RTN4RL1: variants seen among roughly 807,000 people sequenced by gnomAD.
RTN4RL1 encodes the protein reticulon 4 receptor like 1, also known as reticulon-4 receptor-like 1.
Under a neutral mutation model 25.6 loss-of-function variants are expected in RTN4RL1, and 7 were observed. The observed-to-expected ratio is 0.27, with a 90% CI of 0.16 to 0.51. RTN4RL1 has a LOEUF of 0.51. Ranked by LOEUF, RTN4RL1 falls within the 20% of genes least tolerant of loss-of-function variation. The pLI is 0.97. For synonymous variants in RTN4RL1, 297 were observed against 288.2 expected (o/e 1.03, Z -0.31); for missense variants, 500 against 615.6 (o/e 0.81, Z 1.99).
At chr17:1,948,232 C>T (rs536358505) in intron 1 of RTN4RL1, among the ~76,000 whole-genome samples, 12 of 152,362 alleles carry the variant, frequency 7.9e-5, no homozygotes, top group African/African-American at 2.9e-4. Flanking sequence ...GAGCCAGCCC[C>T]ACCTGGTCCT....
intron 1 of RTN4RL1, among the ~76,000 whole-genome samples, chr17:1,974,737 T>A (rs979480610): frequency 1.3e-5 from 2 of 148,178 alleles, no homozygotes; most frequent in African/African-American, 4.9e-5. Flanking sequence ...GGGGAGGGAA[T>A]AAATACCCAG....
In RTN4RL1 at chr17:1,953,261, C is replaced by T. The variant is rs564915419; in HGVS notation, c.14-15453G>A. 1.3e-3 allele frequency among the ~76,000 whole-genome samples: 199 copies of T among 151,248 alleles called. 2 individuals carry two copies. The highest frequency in any genetic ancestry group is 4.7e-3 in the African/African-American group (193 of 41,192). ...ATCTCTACAAAAAATACAAAATCAG[C>T]TGGGCACAGTGGCATGCACCTGTAG... On this transcript the variant is annotated intron_variant, in intron 1 of 1. Coordinates refer to ENST00000331238, the MANE Select transcript of RTN4RL1 (RefSeq NM_178568.4).
Position 1,935,557 on chromosome 17 carries a change from A to G in RTN4RL1, c.*939T>C. On this transcript the variant is annotated 3_prime_UTR_variant, in exon 2 of 2. Transcript: ENST00000331238. ...AGGTCCCTTGGAGACTATCGTTGCC[A>G]GTTTGGGATTCTAGACAAAAATTCT... The G allele has an allele frequency of 1.0e-6, 1 of 985,534 alleles. No individual in the cohort carries two copies. Among genetic ancestry groups the G allele is most frequent in the South Asian group, 4.7e-5 (1 of 21,276 alleles). The allele number at this position is 985,534 out of a possible 1,614,324, so 61.0% of individuals were successfully genotyped here. A position where few individuals can be genotyped will look rare whatever the true frequency, so the allele number is the denominator to read the frequency against.
chr17:2,002,462 T>C (rs2066965617), intron 1 of RTN4RL1, among the ~76,000 whole-genome samples: 1 of 149,302 alleles, frequency 6.7e-6, no homozygotes, highest in Non-Finnish European at 1.5e-5. Context: ...CTGGCTAATT[T>C]TTTGTATTTT....
chr17:1,947,486 T>C (rs1045032268), intron 1 of RTN4RL1, among the ~76,000 whole-genome samples: 12 of 152,164 alleles, frequency 7.9e-5, no homozygotes, highest in Admixed American at 3.3e-4. Context: ...TGGTTTGCCT[T>C]CAACTCCCGC....
At chr17:2,004,135 G>A (rs1488711624) in intron 1 of RTN4RL1, among the ~76,000 whole-genome samples, 7 of 151,752 alleles carry the variant, frequency 4.6e-5, no homozygotes, top group African/African-American at 1.7e-4. Context: ...TTGGGAGGCC[G>A]AGGCGGGTGG....
intron 1 of RTN4RL1, among the ~76,000 whole-genome samples, chr17:1,947,248 G>A (rs1196650835): frequency 6.6e-6 from 1 of 152,232 alleles, no homozygotes; most frequent in Non-Finnish European, 1.5e-5. Flanking sequence ...ACCTGGGCGG[G>A]CCTGTGTTTA....
chr17:1,963,700 T>A (rs1259255145), intron 1 of RTN4RL1, among the ~76,000 whole-genome samples: 2 of 152,196 alleles, frequency 1.3e-5, no homozygotes, highest in Non-Finnish European at 2.9e-5. Flanking sequence ...CTCTCAAGCT[T>A]CCGGGTGCAA....
At chr17:1,961,365 T>C (rs1395785676) in intron 1 of RTN4RL1, among the ~76,000 whole-genome samples, 2 of 152,134 alleles carry the variant, frequency 1.3e-5, no homozygotes, top group Non-Finnish European at 2.9e-5. Flanking sequence ...AGGAACCGCA[T>C]GGGCGGAGGC....
intron 1 of RTN4RL1, among the ~76,000 whole-genome samples, chr17:1,974,681 C>T (rs919049194): frequency 1.5e-5 from 2 of 136,870 alleles, no homozygotes; most frequent in African/African-American, 2.8e-5. Flanking sequence ...CTGACCAGAG[C>T]GAGAACTTTG....
Position 1,936,452 on chromosome 17 carries a change from C to G in RTN4RL1, c.*44G>C. 5.3e-6 allele frequency: 8 copies of G among 1,495,936 alleles called. No homozygotes were observed. Among genetic ancestry groups the G allele is most frequent in the Non-Finnish European group, 6.2e-6 (7 of 1,132,378 alleles). 92.7% of individuals were successfully genotyped at this position (1,495,936 alleles called of 1,614,324 possible). A position where few individuals can be genotyped will look rare whatever the true frequency, so the allele number is the denominator to read the frequency against. ...AAAAAGAAGAAAATAAATTCTGTTC[C>G]TTGGTGGACATGTGGCAGTGCTGGG... is the stretch of plus-strand genomic sequence containing the variant. On this transcript the variant is annotated 3_prime_UTR_variant, in exon 2 of 2. Transcript: ENST00000331238.
intron 1 of RTN4RL1, among the ~76,000 whole-genome samples, chr17:1,945,335 G>A (rs890645422): frequency 1.3e-5 from 2 of 152,080 alleles, no homozygotes; most frequent in Non-Finnish European, 1.5e-5. Context: ...CGATTCTCTC[G>A]CCTCATCCTC....
chr17:1,971,695 G>A (rs979465419), intron 1 of RTN4RL1, among the ~76,000 whole-genome samples: 2 of 152,076 alleles, frequency 1.3e-5, no homozygotes, highest in African/African-American at 4.8e-5. Context: ...AGGCACGGTG[G>A]CTCAAGCCTG....
intron 1 of RTN4RL1, among the ~76,000 whole-genome samples, chr17:2,004,979 A>G (rs969875653): frequency 6.6e-6 from 1 of 152,218 alleles, no homozygotes; most frequent in African/African-American, 2.4e-5. Flanking sequence ...AGGCCACAAT[A>G]TAGTGCCAAG....
At position 2,025,039 on chromosome 17, in the gene RTN4RL1, C is replaced by A. The variant is rs111670747; in HGVS notation, c.-174G>T. ...CCGCAGGGGCATGGTGAGCTCCAGC[C>A]CCGCGCCGAGGGCACCGGCGCCCGC... On this transcript the variant is annotated 5_prime_UTR_variant, in exon 1 of 2. Transcript: ENST00000331238. This position sits in a 1 kb window ranked among gnomAD's most constrained non-coding sequence, Gnocchi z 4.8. The A allele has an allele frequency of 3.2e-4, 177 of 548,258 alleles. No homozygotes were observed. The highest frequency in any genetic ancestry group is 4.9e-4 in the Non-Finnish European group (167 of 338,872). 34.0% of individuals were successfully genotyped at this position (548,258 alleles called of 1,614,324 possible).
chr17:1,951,779 G>A (rs1915686333), intron 1 of RTN4RL1, among the ~76,000 whole-genome samples: 1 of 152,186 alleles, frequency 6.6e-6, no homozygotes, highest in African/African-American at 2.4e-5. Context: ...TTCAGGAAGA[G>A]GGATAATCAA....
intron 1 of RTN4RL1, chr17:1,995,745 T>A (rs934532442): frequency 6.6e-6 from 1 of 152,292 alleles, no homozygotes; most frequent in African/African-American, 2.4e-5. Context: ...TTCGAATCGA[T>A]TGACTTTATA....
Position 1,943,665 on chromosome 17 carries a change from G to A in RTN4RL1, c.14-5857C>T, listed in dbSNP as rs548643148. Among the ~76,000 whole-genome samples the A allele has an allele frequency of 7.2e-5, 11 of 152,300 alleles. No individual in the cohort carries two copies. In the South Asian group the frequency reaches 8.3e-4, roughly 11 times the overall value. ...GCCGGCTGCACTTGGGGCTGCTGGCGCCTTAGGCTACTTGGCACTGTCCCT... is the reference window on the plus strand; with the variant it reads ...GCCGGCTGCACTTGGGGCTGCTGGCACCTTAGGCTACTTGGCACTGTCCCT... On this transcript the variant is annotated intron_variant, in intron 1 of 1. Coordinates refer to ENST00000331238, the MANE Select transcript of RTN4RL1 (RefSeq NM_178568.4).
At chr17:1,939,148 C>G (rs35303223) in intron 1 of RTN4RL1, among the ~76,000 whole-genome samples, 9,761 of 151,908 alleles carry the variant, frequency 0.064, 498 homozygotes, top group Middle Eastern at 0.14. Flanking sequence ...GTCAGGAGAT[C>G]GAGACCATCC....
Sources: gnomAD v4.1 joint callset for allele counts (sites outside exome capture counted in the v4.1 genomes callset) on GRCh38, gnomAD v4.1.1 for gene constraint, Gnocchi (gnomAD v3.1) non-coding constraint, MANE v1.5 for transcripts, NCBI Gene and HGNC (gene_info 2026-07-23, HGNC 2026-07-21) for gene names.